The following CSMD1 variants were observed in gnomAD, a reference collection of about 807,000 sequenced individuals.
The protein encoded by CSMD1 is CUB and sushi domain-containing protein 1.
In CSMD1, 213 loss-of-function variants were observed where a neutral mutation model predicts 417.5. The ratio of observed to expected loss-of-function variants is 0.51; its 90% confidence interval spans 0.46 to 0.57. The LOEUF (loss-of-function observed/expected upper bound fraction) is 0.57. CSMD1 is among the 20% of genes least tolerant of loss of function. The probability of loss-of-function intolerance (pLI) is 0.00; values close to 1 mark genes in which losing one functional copy is unlikely to be tolerated. For missense variants in CSMD1, 6,923 were observed against 4,529.7 expected, an observed-to-expected ratio of 1.53 and a Z score of -15.17; for synonymous variants, 2,862 against 1,736.8, an observed-to-expected ratio of 1.65 and a Z score of -16.11.
chr8:4,060,407 C>T (rs540934464), intron 3 of CSMD1, among the ~76,000 whole-genome samples: 1 of 152,292 alleles, frequency 6.6e-6, no homozygotes, highest in South Asian at 2.1e-4. Flanking sequence ...CCTCTCTCAC[C>T]ACTCCTATTC....
intron 7 of CSMD1, among the ~76,000 whole-genome samples, chr8:3,641,363 G>T (rs1013298403): frequency 7.9e-5 from 12 of 152,046 alleles, no homozygotes; most frequent in African/African-American, 2.2e-4. Context: ...CCCTTCATTT[G>T]CCACCTTCGC....
chr8:3,696,209 G>A (rs1160258955), intron 7 of CSMD1, among the ~76,000 whole-genome samples: 2 of 152,132 alleles, frequency 1.3e-5, no homozygotes, highest in African/African-American at 4.8e-5. Flanking sequence ...CCTTCAAACA[G>A]ACAGTTCAAA....
At chr8:4,310,512 C>A (rs1208420494) in intron 3 of CSMD1, among the ~76,000 whole-genome samples, 1 of 114,202 alleles carries the variant, frequency 8.8e-6, no homozygotes, top group Non-Finnish European at 1.9e-5. Context: ...TCTTTTCTTC[C>A]ACATTAAATA....
intron 3 of CSMD1, among the ~76,000 whole-genome samples, chr8:4,386,027 C>A (rs1018250618): frequency 1.3e-5 from 2 of 152,078 alleles, no homozygotes; most frequent in African/African-American, 2.4e-5. Flanking sequence ...TTTATCACTA[C>A]GATTTCTCCA....
At chr8:4,258,034 G>A (rs534075194) in intron 3 of CSMD1, among the ~76,000 whole-genome samples, 22 of 151,896 alleles carry the variant, frequency 1.4e-4, no homozygotes, top group African/African-American at 4.3e-4. Flanking sequence ...TCACAGCTGT[G>A]GAAGGGGGAA....
chr8:3,756,382 G>C (rs1797659885), intron 5 of CSMD1, among the ~76,000 whole-genome samples: 1 of 151,194 alleles, frequency 6.6e-6, no homozygotes, highest in Non-Finnish European at 1.5e-5. Flanking sequence ...TAGTTTCTTT[G>C]TATATTAAAA....
intron 7 of CSMD1, among the ~76,000 whole-genome samples, chr8:3,630,463 G>C (rs1045377647): frequency 6.6e-6 from 1 of 152,192 alleles, no homozygotes; most frequent in Non-Finnish European, 1.5e-5. Flanking sequence ...AGAAGAAAAG[G>C]AGAAAGCATG....
At chr8:4,375,628 T>G (rs1013925964) in intron 3 of CSMD1, among the ~76,000 whole-genome samples, 1 of 152,144 alleles carries the variant, frequency 6.6e-6, no homozygotes, top group African/African-American at 2.4e-5. Flanking sequence ...CGTGGAATTG[T>G]GGCTGTGGGA....
At position 4,130,392 on chromosome 8, in the gene CSMD1, T is replaced by G. The variant is rs1201476483; in HGVS notation, c.416-98293A>C. ...ATCCTAATTCCTTGTAAAATATACT[T>G]TTGATCAACTTTTTTACTCTGCCTC... On this transcript the variant is annotated intron_variant, in intron 3 of 69. Coordinates refer to ENST00000635120, the MANE Select transcript of CSMD1 (RefSeq NM_033225.6). Among the ~76,000 whole-genome samples, 7 of 152,118 alleles carry G rather than the reference T, an allele frequency of 4.6e-5. No homozygotes were observed. The East Asian group carries it at 1.2e-3, about 25-fold the overall frequency.
intron 3 of CSMD1, among the ~76,000 whole-genome samples, chr8:4,163,638 G>A (rs1797290593): frequency 6.6e-6 from 1 of 152,076 alleles, no homozygotes; most frequent in South Asian, 2.1e-4. Context: ...TCTACATATG[G>A]TAAGTGGAGT....
intron 5 of CSMD1, among the ~76,000 whole-genome samples, chr8:3,869,364 A>G (rs148895133): frequency 2.2e-4 from 34 of 152,340 alleles, no homozygotes; most frequent in Middle Eastern, 3.4e-3. Flanking sequence ...ATAAAATTAT[A>G]TAATACATAG....
chr8:4,855,458 A>C (rs1255104106), intron 1 of CSMD1, among the ~76,000 whole-genome samples: 3 of 152,184 alleles, frequency 2.0e-5, no homozygotes, highest in African/African-American at 7.2e-5. Context: ...AGACGATCAA[A>C]TTACTCTCAG....
intron 41 of CSMD1, among the ~76,000 whole-genome samples, chr8:3,136,359 G>C (rs1025659454): frequency 4.6e-5 from 7 of 151,152 alleles, no homozygotes; most frequent in African/African-American, 1.7e-4. Flanking sequence ...TGGTCTCCCA[G>C]GTTCAAGCGA....
intron 2 of CSMD1, among the ~76,000 whole-genome samples, chr8:4,445,854 G>C (rs1380412534): frequency 6.6e-6 from 1 of 152,206 alleles, no homozygotes; most frequent in Non-Finnish European, 1.5e-5. Context: ...CTTCAATGCA[G>C]AAGTGTTCTC....
Position 2,937,062 on chromosome 8 carries a change from G to T in CSMD1, c.*1523C>A, listed in dbSNP as rs1023755588. On this transcript the variant is annotated 3_prime_UTR_variant, in exon 70 of 70. Transcript: ENST00000635120. ...TTTTATCAAATAAGTATAAGTAAAA[G>T]TAAACATGATTTTCACTTTGAATTT... 1.3e-5 allele frequency: 2 copies of T among 152,124 alleles called. No homozygotes were observed. Among genetic ancestry groups the T allele is most frequent in the Non-Finnish European group, 2.9e-5 (2 of 68,014 alleles). The allele number at this position is 152,124 out of a possible 1,614,324, so 9.4% of individuals were successfully genotyped here.
chr8:4,465,338 A>C (rs912765677), intron 2 of CSMD1, among the ~76,000 whole-genome samples: 1 of 152,168 alleles, frequency 6.6e-6, no homozygotes, highest in Admixed American at 6.5e-5. Flanking sequence ...GTGCTTGCAA[A>C]AAGTGTACAT....
At chr8:3,997,393 C>A (rs1041236225) in intron 5 of CSMD1, among the ~76,000 whole-genome samples, 28 of 151,598 alleles carry the variant, frequency 1.8e-4, no homozygotes, top group Admixed American at 3.3e-4. Flanking sequence ...ATATAGTGGA[C>A]TAAGATGTGT....
intron 1 of CSMD1, among the ~76,000 whole-genome samples, chr8:4,711,829 G>C (rs753873778): frequency 6.6e-6 from 1 of 152,122 alleles, no homozygotes; most frequent in African/African-American, 2.4e-5. Flanking sequence ...GAACCAAGTA[G>C]TTTTCTTCTA....
chr8:3,933,689 A>T (rs939265637), intron 5 of CSMD1, among the ~76,000 whole-genome samples: 1 of 152,202 alleles, frequency 6.6e-6, no homozygotes, highest in South Asian at 2.1e-4. Flanking sequence ...TTTCGCATGC[A>T]ATTTGTGCTC....
Sources: allele counts gnomAD v4.1 joint callset (sites outside exome capture counted in the v4.1 genomes callset), GRCh38; gene constraint gnomAD v4.1.1; transcripts MANE v1.5; gene names NCBI Gene and HGNC (gene_info 2026-07-23, HGNC 2026-07-21).